Variants in LAMA2 observed in about 807,000 individuals in gnomAD.
LAMA2 encodes the protein laminin subunit alpha 2, also known as laminin subunit alpha-2.
Under a neutral mutation model 364.8 loss-of-function variants are expected in LAMA2, and 269 were observed. That is an observed-to-expected ratio of 0.74 (90% CI 0.67 to 0.82). The LOEUF is 0.82. Ranked by LOEUF, LAMA2 falls within the 40% of genes least tolerant of loss-of-function variation. LAMA2 has a pLI of 0.00. For missense variants in LAMA2, 3,807 were observed against 3,873.2 expected, an observed-to-expected ratio of 0.98 and a Z score of 0.45; for synonymous variants, 1,379 against 1,370.6, an observed-to-expected ratio of 1.01 and a Z score of -0.14.
At chr6:129,035,159 T>A (rs1258483017) in intron 1 of LAMA2, among the ~76,000 whole-genome samples, 1 of 152,146 alleles carries the variant, frequency 6.6e-6, no homozygotes, top group African/African-American at 2.4e-5. Flanking sequence ...ATTTTTTGAC[T>A]TTTTAATACT....
In LAMA2 at chr6:129,241,589, C is replaced by T. The variant is rs1488978646; in HGVS notation, c.1783-8523C>T. Among the ~76,000 whole-genome samples the T allele has an allele frequency of 2.6e-5, 4 of 152,234 alleles. No individual in the cohort carries two copies. The South Asian group carries it at 8.3e-4, about 32-fold the overall frequency. ...ACTGATGCTCTGAAAGCAAAATTAA[C>T]TTTCCCAAGGGCCTTGTAGTGCTTA... is the stretch of plus-strand genomic sequence containing the variant. On this transcript the variant is annotated intron_variant, in intron 12 of 64. Coordinates refer to ENST00000421865, the MANE Select transcript of LAMA2 (RefSeq NM_000426.4).
chr6:129,182,616 A>G (rs148835930), intron 10 of LAMA2, among the ~76,000 whole-genome samples: 35 of 151,976 alleles, frequency 2.3e-4, no homozygotes, highest in African/African-American at 8.2e-4. Context: ...TCATTATGGT[A>G]TTATTTATAT....
At chr6:129,498,980 C>G (rs139732188) in intron 58 of LAMA2, among the ~76,000 whole-genome samples, 160 of 152,288 alleles carry the variant, frequency 1.1e-3, no homozygotes, top group Admixed American at 3.8e-3. Context: ...GGTGCACTAT[C>G]TACTTCCCTA....
chr6:129,195,069 G>A (rs9492269), intron 12 of LAMA2, among the ~76,000 whole-genome samples: 1 of 152,186 alleles, frequency 6.6e-6, no homozygotes, highest in Non-Finnish European at 1.5e-5. Context: ...ATGACCAGGA[G>A]TCTATGGTAC....
intron 17 of LAMA2, among the ~76,000 whole-genome samples, chr6:129,276,259 T>A (rs1425928652): frequency 6.6e-6 from 1 of 152,116 alleles, no homozygotes; most frequent in African/African-American, 2.4e-5. Context: ...AATAATTAGT[T>A]GAAAGGAGTC....
intron 2 of LAMA2, among the ~76,000 whole-genome samples, chr6:129,055,424 C>T (rs190886276): frequency 6.6e-6 from 1 of 152,100 alleles, no homozygotes; most frequent in Non-Finnish European, 1.5e-5. Flanking sequence ...GAACTCTCGA[C>T]TTCACATGAT....
At chr6:129,374,551 G>A (rs1040791377) in intron 34 of LAMA2, among the ~76,000 whole-genome samples, 1 of 151,612 alleles carries the variant, frequency 6.6e-6, no homozygotes, top group Non-Finnish European at 1.5e-5. Context: ...TCTTCCCTCT[G>A]GAAAATGCCT....
intron 9 of LAMA2, among the ~76,000 whole-genome samples, chr6:129,172,454 C>T (rs1253155466): frequency 6.6e-6 from 1 of 152,158 alleles, no homozygotes; most frequent in South Asian, 2.1e-4. Flanking sequence ...TCAGTGTGCC[C>T]CTGCTGGGGG....
chr6:128,936,835 G>T (rs1779846260), intron 1 of LAMA2, among the ~76,000 whole-genome samples: 1 of 152,170 alleles, frequency 6.6e-6, no homozygotes, highest in Admixed American at 6.5e-5. Context: ...TTCTGATGAT[G>T]CATCAGAAGG....
At chr6:129,179,620 T>C (rs1780812481) in intron 10 of LAMA2, among the ~76,000 whole-genome samples, 1 of 150,834 alleles carries the variant, frequency 6.6e-6, no homozygotes, top group East Asian at 2.0e-4. Flanking sequence ...GTGTAGACAC[T>C]TGAAGCTCTA....
intron 1 of LAMA2, among the ~76,000 whole-genome samples, chr6:128,921,088 T>C (rs1189365426): frequency 1.3e-5 from 2 of 152,188 alleles, no homozygotes; most frequent in Admixed American, 6.5e-5. Context: ...TACAAACTTA[T>C]CAGAACATCT....
chr6:129,113,611 C>A (rs1419614241), intron 4 of LAMA2, among the ~76,000 whole-genome samples: 1 of 151,956 alleles, frequency 6.6e-6, no homozygotes, highest in Non-Finnish European at 1.5e-5. Flanking sequence ...CAAAACAAAG[C>A]AAACAAGTAA....
rs1789804618 is a variant in LAMA2 at position 129,292,793 on chromosome 6, G to T, written c.2856+1073G>T. 8.1e-6 allele frequency: 8 copies of T among 985,274 alleles called. No individual in the cohort carries two copies. In the South Asian group the frequency reaches 3.8e-4, roughly 46 times the overall value. 61.0% of individuals were successfully genotyped at this position (985,274 alleles called of 1,614,324 possible). A position where few individuals can be genotyped will look rare whatever the true frequency, so the allele number is the denominator to read the frequency against. ...TTGTTTTTATTTTATTTTATGGTTGGTTTTTAAAGCCCAATATGTGGCGGG... is the reference window on the plus strand; with the variant it reads ...TTGTTTTTATTTTATTTTATGGTTGTTTTTTAAAGCCCAATATGTGGCGGG... On this transcript the variant is annotated intron_variant, in intron 20 of 64. Coordinates refer to ENST00000421865, the MANE Select transcript of LAMA2 (RefSeq NM_000426.4).
intron 12 of LAMA2, among the ~76,000 whole-genome samples, chr6:129,240,697 A>G (rs543963950): frequency 2.0e-5 from 3 of 152,266 alleles, no homozygotes; most frequent in Admixed American, 6.6e-5. Flanking sequence ...TTTAATCTAT[A>G]CACTATGTGT....
intron 44 of LAMA2, among the ~76,000 whole-genome samples, chr6:129,444,932 A>G (rs890856546): frequency 2.6e-5 from 4 of 152,266 alleles, no homozygotes; most frequent in African/African-American, 9.6e-5. Context: ...TGAAAAGCAC[A>G]TACTGAAAGT....
chr6:129,311,762 G>C (rs990407106), intron 22 of LAMA2, among the ~76,000 whole-genome samples: 5 of 152,100 alleles, frequency 3.3e-5, no homozygotes, highest in Non-Finnish European at 5.9e-5. Context: ...AAGACAAATG[G>C]ATAAGCAGAA....
intron 12 of LAMA2, among the ~76,000 whole-genome samples, chr6:129,206,197 A>G (rs368011783): frequency 2.0e-4 from 30 of 152,212 alleles, no homozygotes; most frequent in Middle Eastern, 3.4e-3. Context: ...TAGTTTATCT[A>G]TCTAATCTAT....
intron 29 of LAMA2, among the ~76,000 whole-genome samples, chr6:129,332,883 ATTTTTTTT>A (rs10590805): frequency 1.9e-5 from 2 of 104,388 alleles, no homozygotes; most frequent in African/African-American, 4.2e-5. Context: ...TAAGTTTACC[ATTTTTTTT>A]TTTTTTTTTT....
At chr6:129,276,799 C>T (rs1318097715) in intron 17 of LAMA2, among the ~76,000 whole-genome samples, 1 of 151,670 alleles carries the variant, frequency 6.6e-6, no homozygotes, top group Admixed American at 6.6e-5. Context: ...GTATTTTTTT[C>T]TCTTTAACCT....
Sources: gnomAD v4.1 joint callset for allele counts (sites outside exome capture counted in the v4.1 genomes callset) on GRCh38, gnomAD v4.1.1 for gene constraint, MANE v1.5 for transcripts, NCBI Gene and HGNC (gene_info 2026-07-23, HGNC 2026-07-21) for gene names.